The following MYT1L variants were observed in gnomAD, a reference collection of about 807,000 sequenced individuals.
MYT1L encodes the protein myelin transcription factor 1-like protein.
MYT1L carries 12 observed loss-of-function variants against 126.7 expected under a neutral mutation model. The ratio of observed to expected loss-of-function variants is 0.09; its 90% CI spans 0.06 to 0.15. The LOEUF (loss-of-function observed/expected upper bound fraction) is 0.15. Ranked by LOEUF, MYT1L falls within the 10% of genes least tolerant of loss-of-function variation. The probability of loss-of-function intolerance (pLI) is 1.00; values close to 1 mark genes in which losing one functional copy is unlikely to be tolerated. For missense variants in MYT1L, 979 were observed against 1,585.2 expected (o/e 0.62, Z 6.49); for synonymous variants, 541 against 604.2 (o/e 0.90, Z 1.53).
chr2:1,815,715 G>A (rs1030179930), intron 21 of MYT1L, among the ~76,000 whole-genome samples: 3 of 152,206 alleles, frequency 2.0e-5, no homozygotes, highest in East Asian at 1.9e-4. Context: ...CAGAACTCCC[G>A]GCCTCTCCGC....
intron 3 of MYT1L, among the ~76,000 whole-genome samples, chr2:2,133,764 A>T (rs1489263310): frequency 6.6e-6 from 1 of 152,100 alleles, no homozygotes; most frequent in Non-Finnish European, 1.5e-5. Flanking sequence ...CATGAAAGGG[A>T]AATGTTTGCA....
chr2:2,245,080 T>C (rs2094508120), intron 2 of MYT1L, among the ~76,000 whole-genome samples: 1 of 152,210 alleles, frequency 6.6e-6, no homozygotes, highest in South Asian at 2.1e-4. Flanking sequence ...ATACTCGTAT[T>C]ACAGTTTGAG....
At chr2:2,189,965 T>C (rs148970713) in intron 2 of MYT1L, among the ~76,000 whole-genome samples, 349 of 152,154 alleles carry the variant, frequency 2.3e-3, no homozygotes, top group Middle Eastern at 0.017. Context: ...GTTCCTTCTT[T>C]GTGTGCACAC....
chr2:1,880,934 T>C (rs1316058833), intron 18 of MYT1L, among the ~76,000 whole-genome samples: 6 of 152,238 alleles, frequency 3.9e-5, no homozygotes, highest in African/African-American at 1.4e-4. Flanking sequence ...CAGACGGACC[T>C]GCACTGCGTT....
At chr2:1,971,457 A>G (rs11694663) in intron 8 of MYT1L, among the ~76,000 whole-genome samples, 23,692 of 152,182 alleles carry the variant, frequency 0.16, 1,879 homozygotes, top group East Asian at 0.31. Context: ...TGGGCCGGGC[A>G]CAGTGGCTCA....
chr2:1,925,205 C>T (rs1257012493), intron 9 of MYT1L, among the ~76,000 whole-genome samples: 1 of 152,204 alleles, frequency 6.6e-6, no homozygotes, highest in East Asian at 1.9e-4. Flanking sequence ...TGTTCTCCTA[C>T]ATTTCCTTTA....
intron 18 of MYT1L, among the ~76,000 whole-genome samples, chr2:1,870,120 T>C (rs1295284954): frequency 2.0e-5 from 3 of 152,216 alleles, no homozygotes; most frequent in Non-Finnish European, 1.5e-5. Context: ...CTCATGAAGA[T>C]GCTGACTCTA....
chr2:1,905,748 T>G (rs952997679), intron 13 of MYT1L, among the ~76,000 whole-genome samples: 1 of 152,222 alleles, frequency 6.6e-6, no homozygotes, highest in Non-Finnish European at 1.5e-5. Flanking sequence ...AAATGTGAAA[T>G]TTTAGCAGAT....
intron 3 of MYT1L, among the ~76,000 whole-genome samples, chr2:2,165,726 T>A (rs2088961030): frequency 6.6e-6 from 1 of 152,090 alleles, no homozygotes; most frequent in South Asian, 2.1e-4. Context: ...TTGAATGTTG[T>A]ATTCAAAAAT....
intron 3 of MYT1L, among the ~76,000 whole-genome samples, chr2:2,141,791 A>T (rs2084025038): frequency 6.6e-6 from 1 of 152,166 alleles, no homozygotes; most frequent in African/African-American, 2.4e-5. Flanking sequence ...GAAGAACAAG[A>T]CTCAGCCAAA....
chr2:2,128,892 C>T (rs1452263611), intron 3 of MYT1L, among the ~76,000 whole-genome samples: 1 of 152,176 alleles, frequency 6.6e-6, no homozygotes, highest in Non-Finnish European at 1.5e-5. Flanking sequence ...AATTGCCCAA[C>T]ATTATTTGCA....
chr2:2,293,785 T>C lies in MYT1L; in HGVS notation c.-520-9282A>G, dbSNP rs781505836. 5.3e-5 allele frequency among the ~76,000 whole-genome samples: 8 copies of C among 152,160 alleles called. No individual in the cohort carries two copies. The South Asian group carries it at 1.7e-3, about 32-fold the overall frequency. On this transcript the variant is annotated intron_variant, in intron 1 of 24. Transcript: ENST00000647738. The stretch of plus-strand genomic sequence containing the variant: ...GCCCCCTCCCTCCTCCCGGCTCCTC[T>C]GGAGTCAGACGTTTTTGAAAATGCA...
At position 2,059,500 on chromosome 2, in the gene MYT1L, G is replaced by A. The variant is rs1458302208; in HGVS notation, c.-303-5377C>T. On this transcript the variant is annotated intron_variant, in intron 3 of 24. Transcript: ENST00000647738. This position sits in a 1 kb window ranked among gnomAD's most constrained non-coding sequence, Gnocchi z 4.7. ...GGAACCAGGTGCATTGCCCAGTGCT[G>A]GCGGCACTTCATCCCCACTGAGGGT... 6.6e-6 allele frequency among the ~76,000 whole-genome samples: 1 copy of A among 152,006 alleles called. No individual in the cohort carries two copies. Among genetic ancestry groups the A allele is most frequent in the African/African-American group, 2.4e-5 (1 of 41,270 alleles).
At chr2:2,225,744 C>G (rs2093992129) in intron 2 of MYT1L, among the ~76,000 whole-genome samples, 1 of 151,912 alleles carries the variant, frequency 6.6e-6, no homozygotes, top group South Asian at 2.1e-4. Flanking sequence ...GAGTGGGTAG[C>G]TAGGTATACA....
chr2:2,318,189 T>A (rs1404566157), intron 1 of MYT1L, among the ~76,000 whole-genome samples: 2 of 152,232 alleles, frequency 1.3e-5, no homozygotes, highest in Non-Finnish European at 2.9e-5. Context: ...TACTACTCCT[T>A]ACACAACTTC....
chr2:1,933,462 C>T (rs1384567195), intron 9 of MYT1L, among the ~76,000 whole-genome samples: 1 of 152,200 alleles, frequency 6.6e-6, no homozygotes, highest in Non-Finnish European at 1.5e-5. Context: ...ACTTTGAACA[C>T]TGAACAAAAA....
At chr2:2,105,500 G>A (rs931857204) in intron 3 of MYT1L, among the ~76,000 whole-genome samples, 2 of 152,040 alleles carry the variant, frequency 1.3e-5, no homozygotes, top group African/African-American at 4.8e-5. Flanking sequence ...CTTTATTTCT[G>A]CTCATGACAT....
intron 18 of MYT1L, among the ~76,000 whole-genome samples, chr2:1,883,024 C>A (rs1028350411): frequency 6.6e-6 from 1 of 152,152 alleles, no homozygotes; most frequent in Non-Finnish European, 1.5e-5. Flanking sequence ...CGTACGGGAC[C>A]ATCGCAAGGC....
chr2:1,856,925 G>T (rs538171612), intron 18 of MYT1L, among the ~76,000 whole-genome samples: 44 of 148,754 alleles, frequency 3.0e-4, no homozygotes, highest in African/African-American at 1.0e-3. Flanking sequence ...TTGTCCAGGG[G>T]TCAGGACAAG....
Sources: gnomAD v4.1 joint callset for allele counts (sites outside exome capture counted in the v4.1 genomes callset) on GRCh38, gnomAD v4.1.1 for gene constraint, Gnocchi (gnomAD v3.1) non-coding constraint, MANE v1.5 for transcripts, NCBI Gene and HGNC (gene_info 2026-07-23, HGNC 2026-07-21) for gene names.